IDH2: variants seen among roughly 807,000 people sequenced by gnomAD.
The protein encoded by IDH2 is isocitrate dehydrogenase (NADP(+)) 2.
Under a neutral mutation model 50.5 loss-of-function variants are expected in IDH2, and 18 were observed. The ratio of observed to expected loss-of-function variants is 0.36; its 90% CI spans 0.25 to 0.53. The LOEUF is 0.53. Ranked by LOEUF, IDH2 falls within the 20% of genes least tolerant of loss-of-function variation. The pLI, the probability that IDH2 is intolerant of heterozygous loss-of-function variation, is 0.92. For missense variants in IDH2, 518 were observed against 610.7 expected (o/e 0.85, Z 1.60); for synonymous variants, 280 against 239.8 (o/e 1.17, Z -1.55).
At position 90,084,232 on chromosome 15, in the gene IDH2, G is replaced by GC; in HGVS notation, c.*33dup. On this transcript the variant is annotated 3_prime_UTR_variant, in exon 11 of 11. Transcript: ENST00000330062. The surrounding 1 kb of genome is among the most constrained non-coding windows in gnomAD (Gnocchi z 5.0). ...AGGAGGACCCGCCGGCTCAGCCCTG[G>GC]CCCCTCCACTGCAGCCATGGGTGGC... 6.3e-7 allele frequency: 1 copy of GC among 1,592,120 alleles called. No individual in the cohort carries two copies. Among genetic ancestry groups the GC allele is most frequent in the Non-Finnish European group, 8.6e-7 (1 of 1,162,448 alleles).
Position 90,090,525 on chromosome 15 carries a change from C to A in IDH2, c.327G>T (p.Val109=). The A allele has an allele frequency of 2.5e-6, 4 of 1,614,162 alleles. No individual in the cohort carries two copies. In the South Asian group the frequency reaches 4.4e-5, roughly 18 times the overall value. Residue 109 remains valine, a synonymous_variant, in exon 3 of 11, where the codon GTG becomes GTT. Coordinates refer to ENST00000330062, the MANE Select transcript of IDH2 (RefSeq NM_002168.4). ...GGGTGATGGTGGCACACTTGACAGCCACACTGTACTTCTGGGTGGCCAGTG... is the reference window on the plus strand; with the variant it reads ...GGGTGATGGTGGCACACTTGACAGCAACACTGTACTTCTGGGTGGCCAGTG... ...DSALATQKYS[V]AVKCATITPD...
In IDH2 at chr15:90,083,695, C is replaced by CCTATCAGGAA; in HGVS notation, c.*561_*570dup. On this transcript the variant is annotated 3_prime_UTR_variant, in exon 11 of 11. Coordinates refer to ENST00000330062, the MANE Select transcript of IDH2 (RefSeq NM_002168.4). ...CAACGAAGAAAAAAATCAATGACAACCTATCAGGAACTGATTGACTCTCAG... is the reference window on the plus strand; with the variant it reads ...CAACGAAGAAAAAAATCAATGACAACCTATCAGGAACTATCAGGAACTGATTGACTCTCAG... 1 of 172,236 alleles carries CCTATCAGGAA rather than the reference C, an allele frequency of 5.8e-6. No individual in the cohort carries two copies. The highest frequency in any genetic ancestry group is 1.3e-5 in the Non-Finnish European group (1 of 79,536). 10.7% of individuals were successfully genotyped at this position (172,236 alleles called of 1,614,324 possible). A position where few individuals can be genotyped will look rare whatever the true frequency, so the allele number is the denominator to read the frequency against.
chr15:90,095,810 C>T (rs1180119026), intron 1 of IDH2, among the ~76,000 whole-genome samples: 1 of 152,182 alleles, frequency 6.6e-6, no homozygotes, highest in Non-Finnish European at 1.5e-5. Context: ...GGGCTGTCAC[C>T]AAAGTCAGGA....
chr15:90,093,912 G>A (rs551802536), intron 1 of IDH2, among the ~76,000 whole-genome samples: 24 of 148,190 alleles, frequency 1.6e-4, no homozygotes, highest in South Asian at 6.4e-4. Flanking sequence ...GAGCCACCAC[G>A]CCTGGCCATT....
rs1596076158 is a variant in IDH2, at chr15:90,090,624, G to A, written c.228C>T (p.Asp76=). 2 of 1,614,246 alleles carry A rather than the reference G, an allele frequency of 1.2e-6. No individual in the cohort carries two copies. The highest frequency in any genetic ancestry group is 1.7e-6 in the Non-Finnish European group (2 of 1,180,042). ...CGAGGTCAAAATACTTTAGCTGGAT[G>A]TCCACGTGGGGCAGGATGAGCTGGG... is the stretch of plus-strand genomic sequence containing the variant. The part of the protein sequence containing the change: ...IKEKLILPHV[D]IQLKYFDLGL... Residue 76 remains aspartate (D), a synonymous_variant, in exon 3 of 11, where the codon GAC becomes GAT. Transcript: ENST00000330062.
At position 90,091,520 on chromosome 15, in the gene IDH2, T is replaced by C. The variant is rs565602330; in HGVS notation, c.207+33A>G. On this transcript the variant is annotated intron_variant, in intron 2 of 10. Transcript: ENST00000330062. The stretch of plus-strand genomic sequence containing the variant: ...CAGAACAATCCCTGGCCAGCCCACC[T>C]GGAGAGCCACCCACTTCAGGAGGGG... 1.2e-5 allele frequency: 18 copies of C among 1,561,694 alleles called. No individual in the cohort carries two copies. The East Asian group carries it at 4.0e-4, about 35-fold the overall frequency.
intron 2 of IDH2, 151 bp downstream of exon 2, chr15:90,091,402 A>T: frequency 1.4e-6 from 1 of 708,648 alleles, no homozygotes; most frequent in Middle Eastern, 2.5e-4. Context: ...GATGTGAAAG[A>T]AGGGTAGACA....
At chr15:90,097,242 T>G (rs1901205982) in intron 1 of IDH2, among the ~76,000 whole-genome samples, 1 of 152,270 alleles carries the variant, frequency 6.6e-6, no homozygotes, top group Admixed American at 6.5e-5. Flanking sequence ...AGAGATCACA[T>G]TCATGTAACT....
rs375907103 is a variant in IDH2 at position 90,085,430 on chromosome 15, G to A, written c.968-43C>T. 11 of 1,383,248 alleles carry A rather than the reference G, an allele frequency of 8.0e-6. No homozygotes were observed. Among genetic ancestry groups the A allele is most frequent in the Non-Finnish European group, 9.0e-6 (9 of 995,362 alleles). The allele number at this position is 1,383,248 out of a possible 1,614,324, so 85.7% of individuals were successfully genotyped here. ...TTTCTCTCAGGGCCTCGCCTCTCCT[G>A]GGGCCACCCAGCTGAGCCCTGCTGC... On this transcript the variant is annotated intron_variant, in intron 7 of 10. Transcript: ENST00000330062. This position sits in a 1 kb window ranked among gnomAD's most constrained non-coding sequence, Gnocchi z 5.5.
chr15:90,093,787 T>C (rs747965968), intron 1 of IDH2, among the ~76,000 whole-genome samples: 6 of 152,012 alleles, frequency 3.9e-5, no homozygotes, highest in Admixed American at 1.3e-4. Context: ...GCCCGGCTAA[T>C]TTTTGTATTT....
In IDH2 at chr15:90,085,549, T is replaced by G. The variant is rs1900838727; in HGVS notation, c.968-162A>C. 6.6e-6 allele frequency among the ~76,000 whole-genome samples: 1 copy of G among 152,212 alleles called. No homozygotes were observed. The highest frequency in any genetic ancestry group is 2.4e-5 in the African/African-American group (1 of 41,454). On this transcript the variant is annotated intron_variant, in intron 7 of 10. Coordinates refer to ENST00000330062, the MANE Select transcript of IDH2 (RefSeq NM_002168.4). The surrounding 1 kb of genome is among the most constrained non-coding windows in gnomAD (Gnocchi z 5.5). ...GAGGACAGGGACTGTTCCAGGTCTC[T>G]TCACCCTCCTGTGGGTCTCCAGGGC... is the stretch of plus-strand genomic sequence containing the variant.
chr15:90,088,315 C>A (rs371444140), intron 5 of IDH2, 44 bp downstream of exon 5: 1 of 1,609,152 alleles, frequency 6.2e-7, no homozygotes, highest in Non-Finnish European at 8.5e-7. Context: ...GATGAAGAGA[C>A]AAGCTGGGAG....
intron 1 of IDH2, among the ~76,000 whole-genome samples, chr15:90,093,889 G>T (rs371952639): frequency 7.1e-6 from 1 of 140,040 alleles, no homozygotes; most frequent in South Asian, 2.2e-4. Context: ...CAAAGTGCTG[G>T]GATTACAGGC....
Position 90,088,380 on chromosome 15 carries a change from C to A in IDH2, c.657G>T (p.Met219Ile), listed in dbSNP as rs781210751. Reference protein sequence around the residue: ...VYNFPAGGVGMGMYNTDESIS... With the variant: ...VYNFPAGGVGIGMYNTDESIS... The stretch of plus-strand genomic sequence containing the variant: ...TCACCTCGTCGGTGTTGTACATGCC[C>A]ATGCCCACGCCGCCTGCGGGGAAGT... Residue 219 changes from methionine to isoleucine, a missense_variant, in exon 5 of 11, where the codon ATG becomes ATT. By Grantham distance (10) the Met-to-Ile change is conservative. Around this residue, in one of 5 missense-constraint regions of IDH2, gnomAD observed 207 missense variants for 208.6 expected, o/e 0.99. Transcript: ENST00000330062. The A allele has an allele frequency of 1.2e-6, 2 of 1,614,032 alleles. No homozygotes were observed. The highest frequency in any genetic ancestry group is 3.3e-5 in the Admixed American group (2 of 60,028).
rs114435857 is a variant in IDH2, at chr15:90,096,945, A to G, written c.116-5301T>C. On this transcript the variant is annotated intron_variant, in intron 1 of 10. Transcript: ENST00000330062. ...AAAAAAAAGAAAAGAAAAGGACAAG[A>G]ATTACTATATGATCCAGCAATTCTG... Among the ~76,000 whole-genome samples the G allele has an allele frequency of 2.5e-3, 375 of 152,246 alleles. 1 individual carries two copies. Among genetic ancestry groups the G allele is most frequent in the African/African-American group, 8.6e-3 (356 of 41,548 alleles).
rs1360923060 is a variant in IDH2 at position 90,083,516 on chromosome 15, G to A, written c.*750C>T. On this transcript the variant is annotated 3_prime_UTR_variant, in exon 11 of 11. Transcript: ENST00000330062. ...CCCAAGCCTGGGAACTGCAGGCCTA[G>A]ACAATGCAGGGCCCTTGTTCACACA... The A allele has an allele frequency of 6.6e-6, 1 of 152,508 alleles. No homozygotes were observed. The highest frequency in any genetic ancestry group is 6.5e-5 in the Admixed American group (1 of 15,294). 9.4% of individuals were successfully genotyped at this position (152,508 alleles called of 1,614,324 possible).
In IDH2 at chr15:90,094,340, G is replaced by A. The variant is rs139001311; in HGVS notation, c.116-2696C>T. On this transcript the variant is annotated intron_variant, in intron 1 of 10. Coordinates refer to ENST00000330062, the MANE Select transcript of IDH2 (RefSeq NM_002168.4). ...TCAGCCTGCAGCAGATAGGGGCACC[G>A]GGGCACCAGCCTGCTCCTCTGCCCA... Among the ~76,000 whole-genome samples the A allele has an allele frequency of 8.5e-5, 13 of 152,312 alleles. No homozygotes were observed. In the East Asian group the frequency reaches 2.3e-3, roughly 27 times the overall value.
chr15:90,088,272 C>T (rs922290748), intron 5 of IDH2, 87 bp downstream of exon 5: 2 of 1,524,302 alleles, frequency 1.3e-6, no homozygotes, highest in Middle Eastern at 2.3e-4. Flanking sequence ...AAGAATGAGG[C>T]CATTACAGAA....
intron 2 of IDH2, 46 bp downstream of exon 2, chr15:90,091,507 T>C: frequency 1.4e-6 from 2 of 1,478,132 alleles, no homozygotes; most frequent in Non-Finnish European, 1.9e-6. Context: ...GAACAATCCC[T>C]GGCCAGCCCA....
Sources: allele counts gnomAD v4.1 joint callset (sites outside exome capture counted in the v4.1 genomes callset), GRCh38; gene constraint gnomAD v4.1.1; regional missense constraint gnomAD v4.1.1; non-coding constraint Gnocchi (gnomAD v3.1); transcripts MANE v1.5; gene names NCBI Gene and HGNC (gene_info 2026-07-23, HGNC 2026-07-21).